RRN3: variants seen among roughly 807,000 people sequenced by gnomAD.
RRN3 encodes the protein RNA polymerase I-specific transcription initiation factor RRN3.
RRN3 carries 38 observed loss-of-function variants against 82.3 expected under a neutral mutation model. The ratio of observed to expected loss-of-function variants is 0.46; its 90% confidence interval spans 0.36 to 0.61. The LOEUF (loss-of-function observed/expected upper bound fraction) is 0.61, where lower values mean the gene tolerates loss of function less well. RRN3 is among the 20% of genes least tolerant of loss of function. RRN3 has a pLI of 0.00. For missense variants in RRN3, 726 were observed against 793.1 expected (o/e 0.92, Z 1.02); for synonymous variants, 284 against 284.3 (o/e 1.00, Z 0.01).
chr16:15,070,054 C>G lies in RRN3; in HGVS notation c.1444+16G>C, dbSNP rs2045155443. 1 of 1,402,872 alleles carries G rather than the reference C, an allele frequency of 7.1e-7. No individual in the cohort carries two copies. The highest frequency in any genetic ancestry group is 9.9e-7 in the Non-Finnish European group (1 of 1,014,290). The allele number at this position is 1,402,872 out of a possible 1,614,324, so 86.9% of individuals were successfully genotyped here. ...AACACAAGGAAAATCCAGTCCAGCA[C>G]TCCCACAACACTGACCTTCTTTCAG... On this transcript the variant is annotated intron_variant, in intron 14 of 17. Transcript: ENST00000198767.
chr16:15,086,343 G>C (rs777227104), intron 4 of RRN3, 22 bp downstream of exon 4: 2 of 1,613,060 alleles, frequency 1.2e-6, no homozygotes, highest in South Asian at 2.2e-5. Flanking sequence ...ATACTTTACA[G>C]TAAAATAAAT....
chr16:15,061,416 A>G lies in RRN3; in HGVS notation c.*328T>C, dbSNP rs147908739. ...CAACCCGTAAAACAGTCTGCTGCCTATATTAGAAATTACCCAGTAATTGTG... is the reference window on the plus strand; with the variant it reads ...CAACCCGTAAAACAGTCTGCTGCCTGTATTAGAAATTACCCAGTAATTGTG... On this transcript the variant is annotated 3_prime_UTR_variant, in exon 18 of 18. Transcript: ENST00000198767. 115 of 286,188 alleles carry G rather than the reference A, an allele frequency of 4.0e-4. No homozygotes were observed. In the East Asian group the frequency reaches 6.9e-3, roughly 17 times the overall value. The allele number at this position is 286,188 out of a possible 1,614,324, so 17.7% of individuals were successfully genotyped here.
intron 8 of RRN3, among the ~76,000 whole-genome samples, chr16:15,080,304 T>C (rs1409717946): frequency 6.6e-6 from 1 of 152,242 alleles, no homozygotes; most frequent in African/African-American, 2.4e-5. Context: ...AAATTTTTAA[T>C]TTGCATAACT....
In RRN3 at chr16:15,060,557, A is replaced by T. The variant is rs1347327779; in HGVS notation, c.*1187T>A. On this transcript the variant is annotated 3_prime_UTR_variant, in exon 18 of 18. Transcript: ENST00000198767. ...TATGCTTAAAGATGGCCATTTTCACAAGTAAACAAAAAAGTACACATGTAA... is the reference window on the plus strand; with the variant it reads ...TATGCTTAAAGATGGCCATTTTCACTAGTAAACAAAAAAGTACACATGTAA... The T allele has an allele frequency of 6.5e-6, 1 of 153,800 alleles. No individual in the cohort carries two copies. 9.5% of individuals were successfully genotyped at this position (153,800 alleles called of 1,614,324 possible). A position where few individuals can be genotyped will look rare whatever the true frequency, so the allele number is the denominator to read the frequency against.
At chr16:15,072,926 A>G (rs1318290350) in intron 12 of RRN3, 24 bp downstream of exon 12, 5 of 1,610,918 alleles carry the variant, frequency 3.1e-6, no homozygotes, top group Non-Finnish European at 4.2e-6. Context: ...AAGCTAAGAT[A>G]ATGTTAATCA....
intron 1 of RRN3, among the ~76,000 whole-genome samples, chr16:15,093,149 C>A (rs1360790811): frequency 6.6e-6 from 1 of 152,134 alleles, no homozygotes; most frequent in Non-Finnish European, 1.5e-5. Context: ...GGATTACAGG[C>A]ACCTGCCACC....
At chr16:15,079,693 A>G (rs1375609588) in intron 9 of RRN3, among the ~76,000 whole-genome samples, 3 of 152,036 alleles carry the variant, frequency 2.0e-5, no homozygotes, top group Non-Finnish European at 4.4e-5. Context: ...CCCGGATTCA[A>G]GCAATTCTCC....
chr16:15,072,190 G>C lies in RRN3; in HGVS notation c.1128+760C>G, dbSNP rs1261867456. Reference sequence around the variant, plus strand: ...ATGACCAACACTCTCCTGATCTCTAGGAAGCCACAAAATCGTTGCAGAGAA... The same window carrying C: ...ATGACCAACACTCTCCTGATCTCTACGAAGCCACAAAATCGTTGCAGAGAA... On this transcript the variant is annotated intron_variant, in intron 12 of 17. Coordinates refer to ENST00000198767, the MANE Select transcript of RRN3 (RefSeq NM_018427.5). Among the ~76,000 whole-genome samples the C allele has an allele frequency of 2.7e-5, 4 of 150,182 alleles. No homozygotes were observed. In the Middle Eastern group the frequency reaches 0.01, roughly 383 times the overall value.
chr16:15,073,696 T>C (rs902493271), intron 11 of RRN3, among the ~76,000 whole-genome samples: 3 of 152,166 alleles, frequency 2.0e-5, no homozygotes, highest in African/African-American at 2.4e-5. Context: ...GCTGAATATA[T>C]AGGCACAAGT....
intron 14 of RRN3, among the ~76,000 whole-genome samples, chr16:15,069,074 C>G (rs1315115731): frequency 6.6e-6 from 1 of 152,168 alleles, no homozygotes; most frequent in Non-Finnish European, 1.5e-5. Context: ...CATACAACAT[C>G]TTTTAGAAGC....
chr16:15,077,232 G>C (rs1196805861), intron 9 of RRN3, among the ~76,000 whole-genome samples: 2 of 151,994 alleles, frequency 1.3e-5, no homozygotes, highest in East Asian at 1.9e-4. Flanking sequence ...ACCGGCCTCA[G>C]CTTCCCAAAG....
chr16:15,089,604 T>C (rs75793119), intron 3 of RRN3, among the ~76,000 whole-genome samples: 1 of 148,766 alleles, frequency 6.7e-6, no homozygotes, highest in East Asian at 2.1e-4. Context: ...ATCGAGACCA[T>C]CCTGGCTAAC....
intron 9 of RRN3, among the ~76,000 whole-genome samples, chr16:15,078,805 T>C (rs2045570458): frequency 8.0e-6 from 1 of 124,678 alleles, no homozygotes; most frequent in African/African-American, 2.7e-5. Flanking sequence ...CCTCTTCGTA[T>C]TTTTTTCTTT....
intron 8 of RRN3, 66 bp downstream of exon 8, chr16:15,083,447 A>G (rs1252821671): frequency 1.5e-5 from 24 of 1,597,770 alleles, no homozygotes; most frequent in Non-Finnish European, 8.5e-7. Context: ...AAAAGACCTA[A>G]TATCATCTAA....
At chr16:15,073,598 G>C (rs2045332150) in intron 11 of RRN3, among the ~76,000 whole-genome samples, 1 of 152,182 alleles carries the variant, frequency 6.6e-6, no homozygotes, top group African/African-American at 2.4e-5. Flanking sequence ...ACTGTGGCAA[G>C]GTCAGAAATG....
rs200059150 is a variant in RRN3, at chr16:15,092,613, T to C, written c.91A>G (p.Ile31Val). The part of the protein sequence containing the change: ...VKKLGASRTG[I>V]SNMRALENDF... Reference sequence around the variant, plus strand: ...TTCTCTAATGCACGCATATTTGAAATCCTGTGGAACCAAGATTAACAAGCT... The same window carrying C: ...TTCTCTAATGCACGCATATTTGAAACCCTGTGGAACCAAGATTAACAAGCT... Residue 31 changes from isoleucine (I) to valine (V), a missense_variant and splice_region_variant, in exon 2 of 18, where the codon ATT becomes GTT. Ile to Val is a conservative substitution (Grantham distance 29). Transcript: ENST00000198767. 1.2e-4 allele frequency: 197 copies of C among 1,586,416 alleles called. No individual in the cohort carries two copies. The highest frequency in any genetic ancestry group is 1.7e-4 in the Middle Eastern group (1 of 6,024).
Position 15,080,142 on chromosome 16 carries a change from G to A in RRN3, c.667-46C>T, listed in dbSNP as rs747616796. 2.1e-5 allele frequency: 32 copies of A among 1,543,682 alleles called. No homozygotes were observed. In the Admixed American group the frequency reaches 5.3e-4, roughly 26 times the overall value. ...TAAAACATTTCAACAGAGAATAAACGTTTCACAGTTATGTAAGCAAAACAT... is the reference window on the plus strand; with the variant it reads ...TAAAACATTTCAACAGAGAATAAACATTTCACAGTTATGTAAGCAAAACAT... On this transcript the variant is annotated intron_variant, in intron 8 of 17. Transcript: ENST00000198767.
Position 15,060,854 on chromosome 16 carries a change from C to G in RRN3, c.*890G>C, listed in dbSNP as rs560408567. 6.6e-6 allele frequency: 1 copy of G among 152,318 alleles called. No homozygotes were observed. Among genetic ancestry groups the G allele is most frequent in the Admixed American group, 6.5e-5 (1 of 15,298 alleles). 9.4% of individuals were successfully genotyped at this position (152,318 alleles called of 1,614,324 possible). ...TTTCCAACAAAGAAATTCCCAATAA[C>G]TAAGTGATGCAGATCAAAACTGACT... is the stretch of plus-strand genomic sequence containing the variant. On this transcript the variant is annotated 3_prime_UTR_variant, in exon 18 of 18. Transcript: ENST00000198767.
chr16:15,087,514 C>T (rs1597993788), intron 3 of RRN3, among the ~76,000 whole-genome samples: 1 of 152,286 alleles, frequency 6.6e-6, no homozygotes, highest in Non-Finnish European at 1.5e-5. Context: ...CTTTTCCCCA[C>T]CTTAATTCAG....
Sources: gnomAD v4.1 joint callset for allele counts (sites outside exome capture counted in the v4.1 genomes callset) on GRCh38, gnomAD v4.1.1 for gene constraint, MANE v1.5 for transcripts, NCBI Gene and HGNC (gene_info 2026-07-23, HGNC 2026-07-21) for gene names.